The following GALNT18 variants were observed in gnomAD, a reference collection of about 807,000 sequenced individuals.
GALNT18 encodes polypeptide N-acetylgalactosaminyltransferase 18.
In GALNT18, 44 loss-of-function variants were observed where a neutral mutation model predicts 69.5. The ratio of observed to expected loss-of-function variants is 0.63; its 90% CI spans 0.50 to 0.81. The LOEUF is 0.81. Among genes scored for constraint, GALNT18 ranks in the 40% least tolerant of loss-of-function variants. The pLI, the probability that GALNT18 is intolerant of heterozygous loss-of-function variation, is 0.00. For synonymous variants in GALNT18, 364 were observed against 318.2 expected, an observed-to-expected ratio of 1.14 and a Z score of -1.53; for missense variants, 715 against 810.0, an observed-to-expected ratio of 0.88 and a Z score of 1.42.
intron 10 of GALNT18, among the ~76,000 whole-genome samples, chr11:11,277,767 T>G (rs1016600149): frequency 6.6e-6 from 1 of 152,228 alleles, no homozygotes; most frequent in African/African-American, 2.4e-5. Context: ...TACCCAGTAG[T>G]AACTTAGGAG....
chr11:11,303,819 G>A (rs1447132315), intron 9 of GALNT18, among the ~76,000 whole-genome samples: 1 of 152,216 alleles, frequency 6.6e-6, no homozygotes, highest in East Asian at 1.9e-4. Flanking sequence ...ATCCTTCTCT[G>A]TAGGCCATGA....
In GALNT18 at chr11:11,352,524, C is replaced by T. The variant is rs779370732; in HGVS notation, c.1093-11520G>A. 2.5e-6 allele frequency: 4 copies of T among 1,614,106 alleles called. No homozygotes were observed. The South Asian group carries it at 3.3e-5, about 13-fold the overall frequency. The stretch of plus-strand genomic sequence containing the variant: ...CTGATAGTCTACAAGTAGCTCAGGA[C>T]CTTTGAAGTATCGGGAAGCAACTCG... On this transcript the variant is annotated intron_variant, in intron 6 of 10. Transcript: ENST00000227756.
intron 2 of GALNT18, among the ~76,000 whole-genome samples, chr11:11,446,398 TTGAC>T (rs1855653183): frequency 1.3e-5 from 2 of 152,222 alleles, no homozygotes; most frequent in Non-Finnish European, 2.9e-5. Flanking sequence ...TTGTAACAGA[TTGAC>T]TGAAAAGTCC....
chr11:11,299,669 G>GAAGT (rs1233598892), intron 9 of GALNT18, among the ~76,000 whole-genome samples: 2 of 152,202 alleles, frequency 1.3e-5, no homozygotes, highest in Admixed American at 6.5e-5. Context: ...TCATGGCTGA[G>GAAGT]AAGTATTCTA....
chr11:11,373,537 C>T (rs992021488), intron 5 of GALNT18, among the ~76,000 whole-genome samples: 1 of 152,148 alleles, frequency 6.6e-6, no homozygotes, highest in Admixed American at 6.5e-5. Context: ...CCTTAAGGTA[C>T]CTGTGTGACA....
At chr11:11,378,657 C>T (rs1231258544) in intron 4 of GALNT18, among the ~76,000 whole-genome samples, 1 of 152,240 alleles carries the variant, frequency 6.6e-6, no homozygotes, top group African/African-American at 2.4e-5. Flanking sequence ...GCAAGCTTCC[C>T]CCACCTTTGC....
At chr11:11,275,411 T>G (rs190877706) in intron 10 of GALNT18, among the ~76,000 whole-genome samples, 2 of 152,226 alleles carry the variant, frequency 1.3e-5, no homozygotes, top group East Asian at 1.9e-4. Context: ...TAAATTTGTT[T>G]GTTCTTTGTA....
chr11:11,288,313 C>T (rs550351946), intron 10 of GALNT18, among the ~76,000 whole-genome samples: 2 of 152,284 alleles, frequency 1.3e-5, no homozygotes, highest in South Asian at 2.1e-4. Flanking sequence ...ATATGCTCAG[C>T]TATTTCATGC....
Position 11,293,896 on chromosome 11 carries a change from C to T in GALNT18, c.1513-703G>A, listed in dbSNP as rs562617418. Among the ~76,000 whole-genome samples, 258 of 145,980 alleles carry T rather than the reference C, an allele frequency of 1.8e-3. 1 individual carries two copies. The highest frequency in any genetic ancestry group is 3.2e-3 in the Admixed American group (46 of 14,414). ...AAGCCTGGATTGCGCCTTCAGGGAG[C>T]GCAGAGTCTTGTGGGATGGGAGATG... On this transcript the variant is annotated intron_variant, in intron 9 of 10. Transcript: ENST00000227756.
At chr11:11,521,356 G>A (rs1857395505) in intron 1 of GALNT18, among the ~76,000 whole-genome samples, 1 of 152,122 alleles carries the variant, frequency 6.6e-6, no homozygotes, top group South Asian at 2.1e-4. Flanking sequence ...TACGGTGTAA[G>A]CCCCACCTGC....
chr11:11,543,403 T>C lies in GALNT18; in HGVS notation c.235+77956A>G, dbSNP rs1211103380. ...CGTGGTGAGGACAAAGGAGCCTCGA[T>C]GGAGACCCACTCTGGAACTGGATAT... On this transcript the variant is annotated intron_variant, in intron 1 of 10. Coordinates refer to ENST00000227756, the MANE Select transcript of GALNT18 (RefSeq NM_198516.3). The surrounding 1 kb of genome is among the most constrained non-coding windows in gnomAD (Gnocchi z 5.1). 6.6e-6 allele frequency among the ~76,000 whole-genome samples: 1 copy of C among 152,152 alleles called. No individual in the cohort carries two copies. Among genetic ancestry groups the C allele is most frequent in the Non-Finnish European group, 1.5e-5 (1 of 68,026 alleles).
At chr11:11,334,536 C>A (rs1850076993) in intron 7 of GALNT18, among the ~76,000 whole-genome samples, 2 of 134,344 alleles carry the variant, frequency 1.5e-5, no homozygotes, top group Admixed American at 1.5e-4. Context: ...GAGCAAGACT[C>A]CGTCTCCAAA....
At position 11,340,491 on chromosome 11, in the gene GALNT18, T is replaced by C. The variant is rs910089918; in HGVS notation, c.1278+328A>G. On this transcript the variant is annotated intron_variant, in intron 7 of 10. Transcript: ENST00000227756. This position sits in a 1 kb window ranked among gnomAD's most constrained non-coding sequence, Gnocchi z 4.2. Reference sequence around the variant, plus strand: ...ATTTGTAATCCAGGACCATGAAACATCTAATGTCAGAGAAGCTGAGGACCT... The same window carrying C: ...ATTTGTAATCCAGGACCATGAAACACCTAATGTCAGAGAAGCTGAGGACCT... Among the ~76,000 whole-genome samples, 1 of 152,196 alleles carries C rather than the reference T, an allele frequency of 6.6e-6. No individual in the cohort carries two copies. The highest frequency in any genetic ancestry group is 6.5e-5 in the Admixed American group (1 of 15,278).
chr11:11,540,925 C>A lies in GALNT18; in HGVS notation c.235+80434G>T, dbSNP rs998141785. Reference sequence around the variant, plus strand: ...GAAAATCCTCCCAGCCTATATTAACCCTGTAAACTGCATCCAAATTGCTAA... The same window carrying A: ...GAAAATCCTCCCAGCCTATATTAACACTGTAAACTGCATCCAAATTGCTAA... On this transcript the variant is annotated intron_variant, in intron 1 of 10. Coordinates refer to ENST00000227756, the MANE Select transcript of GALNT18 (RefSeq NM_198516.3). The surrounding 1 kb of genome is among the most constrained non-coding windows in gnomAD (Gnocchi z 4.6). Among the ~76,000 whole-genome samples the A allele has an allele frequency of 2.0e-5, 3 of 152,134 alleles. No individual in the cohort carries two copies. Among genetic ancestry groups the A allele is most frequent in the Non-Finnish European group, 1.5e-5 (1 of 68,028 alleles).
chr11:11,373,228 G>C (rs1181541182), intron 5 of GALNT18, among the ~76,000 whole-genome samples: 2 of 152,174 alleles, frequency 1.3e-5, no homozygotes, highest in Non-Finnish European at 2.9e-5. Flanking sequence ...AGAGGGTAAG[G>C]GGTGGGAATT....
At chr11:11,481,741 C>T (rs138784498) in intron 1 of GALNT18, among the ~76,000 whole-genome samples, 4 of 152,204 alleles carry the variant, frequency 2.6e-5, no homozygotes, top group African/African-American at 9.6e-5. Context: ...TGGGGGGAAA[C>T]GGGCAAAGCA....
rs7113046 is a variant in GALNT18, at chr11:11,465,618, C to T, written c.236-16682G>A. Among the ~76,000 whole-genome samples, 11,253 of 152,166 alleles carry T rather than the reference C, an allele frequency of 0.074. 897 individuals carry two copies. Among genetic ancestry groups the T allele is most frequent in the East Asian group, 0.21 (1,094 of 5,148 alleles). ...CTGGAGGTGACAAGCTTCTCTGCTG[C>T]TGGGGCTGATCAGGGGTAGAGAAAT... On this transcript the variant is annotated intron_variant, in intron 1 of 10. Transcript: ENST00000227756. The surrounding 1 kb of genome is among the most constrained non-coding windows in gnomAD (Gnocchi z 5.7).
chr11:11,547,142 G>A (rs193171157), intron 1 of GALNT18, among the ~76,000 whole-genome samples: 1 of 152,294 alleles, frequency 6.6e-6, no homozygotes, highest in African/African-American at 2.4e-5. Flanking sequence ...CATACACATA[G>A]TAGGTGCACA....
At chr11:11,376,561 T>A (rs1853766592) in intron 5 of GALNT18, among the ~76,000 whole-genome samples, 1 of 152,052 alleles carries the variant, frequency 6.6e-6, no homozygotes, top group Non-Finnish European at 1.5e-5. Context: ...TTTGTCTGAG[T>A]CTTACAGAAT....
Sources: allele counts gnomAD v4.1 joint callset (sites outside exome capture counted in the v4.1 genomes callset), GRCh38; gene constraint gnomAD v4.1.1; non-coding constraint Gnocchi (gnomAD v3.1); transcripts MANE v1.5; gene names NCBI Gene and HGNC (gene_info 2026-07-23, HGNC 2026-07-21).